The following PRUNE2 variants were observed in gnomAD, a reference collection of about 807,000 sequenced individuals.
PRUNE2 encodes protein prune homolog 2.
PRUNE2 carries 164 observed loss-of-function variants against 252.0 expected under a neutral mutation model. The observed-to-expected ratio is 0.65, with a 90% CI of 0.57 to 0.74. The LOEUF is 0.74. PRUNE2 is among the 30% of genes least tolerant of loss of function. PRUNE2 has a pLI of 0.00. For synonymous variants in PRUNE2, 1,292 were observed against 1,350.2 expected (o/e 0.96, Z 0.94); for missense variants, 3,495 against 3,711.0 (o/e 0.94, Z 1.51).
rs1337950359 is a variant in PRUNE2, at chr9:76,695,907, TG to T, written c.8276+7429del. Among the ~76,000 whole-genome samples, 19 of 150,958 alleles carry T rather than the reference TG, an allele frequency of 1.3e-4. No individual in the cohort carries two copies. In the East Asian group the frequency reaches 3.7e-3, roughly 29 times the overall value. On this transcript the variant is annotated intron_variant, in intron 9 of 18. Coordinates refer to ENST00000376718, the MANE Select transcript of PRUNE2 (RefSeq NM_015225.3). ...TAAGTAAATAGAAGATCTTTTCAGA[TG>T]GAAAAAAAAAAGTAGTAGCAATAAA...
chr9:76,622,399 A>G (rs1832764243), intron 17 of PRUNE2, among the ~76,000 whole-genome samples: 1 of 152,196 alleles, frequency 6.6e-6, no homozygotes, highest in Non-Finnish European at 1.5e-5. Context: ...ATAAATATAG[A>G]GGAAAAAAAT....
At chr9:76,823,831 G>C (rs1420890436) in intron 5 of PRUNE2, 105 bp from the exon 6 acceptor site, 2 of 688,902 alleles carry the variant, frequency 2.9e-6, no homozygotes, top group Admixed American at 4.7e-5. Flanking sequence ...TTCATTCTTT[G>C]CCCCTCAAAT....
At chr9:76,866,456 T>C (rs1564467137) in intron 1 of PRUNE2, among the ~76,000 whole-genome samples, 1 of 152,240 alleles carries the variant, frequency 6.6e-6, no homozygotes, top group Non-Finnish European at 1.5e-5. Context: ...TCTCATTCGG[T>C]TGACAAAATG....
At chr9:76,784,679 T>C (rs1461290163) in intron 6 of PRUNE2, 1 of 152,284 alleles carries the variant, frequency 6.6e-6, no homozygotes, top group African/African-American at 2.4e-5. Flanking sequence ...CTGCCTAATA[T>C]GTAGCTGACT....
At chr9:76,851,928 A>C (rs967082866) in intron 2 of PRUNE2, among the ~76,000 whole-genome samples, 1 of 152,192 alleles carries the variant, frequency 6.6e-6, no homozygotes, top group African/African-American at 2.4e-5. Flanking sequence ...CCTAACTATC[A>C]ATGAGAGAAT....
chr9:76,797,299 G>A (rs2056182385), intron 6 of PRUNE2, among the ~76,000 whole-genome samples: 1 of 151,984 alleles, frequency 6.6e-6, no homozygotes, highest in African/African-American at 2.4e-5. Context: ...CACAGAAAAA[G>A]AACTGAAAAG....
chr9:76,823,822 T>C (rs2131967086), intron 5 of PRUNE2, 96 bp from the exon 6 acceptor site: 1 of 724,508 alleles, frequency 1.4e-6, no homozygotes, highest in East Asian at 2.5e-5. Flanking sequence ...TCTGTAAATT[T>C]CATTCTTTGC....
intron 1 of PRUNE2, among the ~76,000 whole-genome samples, chr9:76,896,451 G>A (rs2062828215): frequency 6.6e-6 from 1 of 152,174 alleles, no homozygotes; most frequent in South Asian, 2.1e-4. Context: ...TGGGTTGGCT[G>A]ATGTGCCAGG....
intron 7 of PRUNE2, among the ~76,000 whole-genome samples, chr9:76,712,614 CT>C (rs946838736): frequency 4.1e-4 from 63 of 152,338 alleles, no homozygotes; most frequent in African/African-American, 1.4e-3. Flanking sequence ...AAGGGGTCTA[CT>C]GCTAAAAGTG....
At chr9:76,771,456 C>T (rs2053094872) in intron 6 of PRUNE2, among the ~76,000 whole-genome samples, 1 of 152,118 alleles carries the variant, frequency 6.6e-6, no homozygotes, top group Non-Finnish European at 1.5e-5. Flanking sequence ...GAAGCAGAGT[C>T]CCTGCTCAAG....
chr9:76,866,128 T>C (rs1338556464), intron 1 of PRUNE2, among the ~76,000 whole-genome samples: 1 of 152,220 alleles, frequency 6.6e-6, no homozygotes, highest in African/African-American at 2.4e-5. Context: ...TTGCTATTAG[T>C]ACATGCACAT....
At chr9:76,678,881 T>G (rs2043107899) in intron 9 of PRUNE2, among the ~76,000 whole-genome samples, 1 of 152,182 alleles carries the variant, frequency 6.6e-6, no homozygotes, top group Non-Finnish European at 1.5e-5. Flanking sequence ...CTCCCTTCCT[T>G]CGAGAAGCAC....
rs770071908 is a variant in PRUNE2 at position 76,707,756 on chromosome 9, A to C, written c.4518T>G (p.Cys1506Trp). 6.2e-7 allele frequency: 1 copy of C among 1,613,642 alleles called. No homozygotes were observed. The highest frequency in any genetic ancestry group is 8.5e-7 in the Non-Finnish European group (1 of 1,179,774). ...IDSDVHVSST[C>W]SEITKNLDVK... ...CGTCAAGATTTTTGGTTATCTCAGA[A>C]CATGTGCTGCTGACATGCACATCAC... The change falls in exon 8 of 19, where the codon TGT (cysteine) becomes TGG (tryptophan). Residue 1506 changes from cysteine (C) to tryptophan (W), a missense_variant. Coordinates refer to ENST00000376718, the MANE Select transcript of PRUNE2 (RefSeq NM_015225.3).
intron 6 of PRUNE2, among the ~76,000 whole-genome samples, chr9:76,727,760 G>A (rs1588879189): frequency 8.0e-6 from 1 of 124,966 alleles, no homozygotes; most frequent in East Asian, 2.4e-4. Context: ...TGTCACCCAG[G>A]CTGGAGTGCA....
chr9:76,869,354 C>G (rs2061052113), intron 1 of PRUNE2, among the ~76,000 whole-genome samples: 1 of 152,184 alleles, frequency 6.6e-6, no homozygotes, highest in African/African-American at 2.4e-5. Context: ...AATTACTGTA[C>G]TTTGCAAAGA....
chr9:76,853,835 C>T (rs116103618), intron 2 of PRUNE2, among the ~76,000 whole-genome samples: 1,806 of 152,230 alleles, frequency 0.012, 43 homozygotes, highest in African/African-American at 0.042. Context: ...ATTATGAACA[C>T]TTTAAATGTT....
rs371849446 is a variant in PRUNE2, at chr9:76,618,165, TC to T, written c.9236+1174del. Among the ~76,000 whole-genome samples the T allele has an allele frequency of 1.2e-4, 19 of 152,312 alleles. No homozygotes were observed. In the East Asian group the frequency reaches 3.7e-3, roughly 29 times the overall value. On this transcript the variant is annotated intron_variant, in intron 18 of 18. Transcript: ENST00000376718. ...ATTTTCCTTGCAGAGCAGGGCTAAC[TC>T]ATAGGCATGCATCCAGAATTGGCCC...
At chr9:76,688,449 G>C (rs2044342799) in intron 9 of PRUNE2, among the ~76,000 whole-genome samples, 1 of 152,164 alleles carries the variant, frequency 6.6e-6, no homozygotes, top group Non-Finnish European at 1.5e-5. Flanking sequence ...AACTCACCAA[G>C]GCTGCAGGTT....
intron 1 of PRUNE2, among the ~76,000 whole-genome samples, chr9:76,855,083 ATAT>A (rs1189019520): frequency 3.8e-5 from 3 of 78,430 alleles, no homozygotes; most frequent in Admixed American, 1.3e-4. Context: ...AAAAAAAAAA[ATAT>A]ATATATATAT....
Sources: allele counts gnomAD v4.1 joint callset (sites outside exome capture counted in the v4.1 genomes callset), GRCh38; gene constraint gnomAD v4.1.1; transcripts MANE v1.5; gene names NCBI Gene and HGNC (gene_info 2026-07-23, HGNC 2026-07-21).